The following SIK3 variants were observed in gnomAD, a reference collection of about 807,000 sequenced individuals.
The protein encoded by SIK3 is serine/threonine-protein kinase SIK3.
Under a neutral mutation model 144.2 loss-of-function variants are expected in SIK3, and 28 were observed. The ratio of observed to expected loss-of-function variants is 0.19; its 90% CI spans 0.14 to 0.27. The LOEUF (loss-of-function observed/expected upper bound fraction) is 0.27, where lower values mean the gene tolerates loss of function less well. Ranked by LOEUF, SIK3 falls within the 10% of genes least tolerant of loss-of-function variation. SIK3 has a pLI of 1.00. For synonymous variants in SIK3, 686 were observed against 676.3 expected, an observed-to-expected ratio of 1.01 and a Z score of -0.22; for missense variants, 1,319 against 1,776.0, an observed-to-expected ratio of 0.74 and a Z score of 4.62.
chr11:116,880,462 G>A lies in SIK3; in HGVS notation c.866-3420C>T, dbSNP rs1944487806. ...AAACAATTCTTGGTTACAGTGTCAA[G>A]GGCAAGAGCTTTTTAATCTTGACTA... On this transcript the variant is annotated intron_variant, in intron 6 of 24. Coordinates refer to ENST00000445177, the MANE Select transcript of SIK3 (RefSeq NM_001366686.3). Among the ~76,000 whole-genome samples the A allele has an allele frequency of 2.0e-5, 3 of 152,144 alleles. No individual in the cohort carries two copies. The South Asian group carries it at 6.2e-4, about 31-fold the overall frequency.
intron 1 of SIK3, among the ~76,000 whole-genome samples, chr11:116,959,245 G>C (rs988280973): frequency 6.6e-6 from 1 of 152,056 alleles, no homozygotes; most frequent in African/African-American, 2.4e-5. Context: ...GAGGTGGAAG[G>C]ACAGTTTGAT....
chr11:117,071,504 T>C (rs1954279857), intron 1 of SIK3, among the ~76,000 whole-genome samples: 1 of 151,902 alleles, frequency 6.6e-6, no homozygotes, highest in Non-Finnish European at 1.5e-5. Context: ...CGAATCCCAA[T>C]GTCTGGCACA....
chr11:117,043,141 G>A (rs1591597747), intron 1 of SIK3, among the ~76,000 whole-genome samples: 4 of 152,200 alleles, frequency 2.6e-5, no homozygotes, highest in Admixed American at 1.3e-4. Flanking sequence ...TGTGAAGTTG[G>A]AGAAACAGTA....
At chr11:116,994,609 C>G (rs766785636) in intron 1 of SIK3, among the ~76,000 whole-genome samples, 12 of 152,114 alleles carry the variant, frequency 7.9e-5, no homozygotes, top group Non-Finnish European at 1.8e-4. Flanking sequence ...CACGAAATCC[C>G]TTTGGGATTA....
At chr11:116,948,221 A>G (rs1220401771) in intron 3 of SIK3, among the ~76,000 whole-genome samples, 1 of 152,084 alleles carries the variant, frequency 6.6e-6, no homozygotes, top group Non-Finnish European at 1.5e-5. Context: ...TATAGGCATG[A>G]GCCACCAAGC....
intron 1 of SIK3, among the ~76,000 whole-genome samples, chr11:117,086,596 CAGG>C (rs1328360426): frequency 6.6e-6 from 1 of 151,734 alleles, no homozygotes; most frequent in East Asian, 1.9e-4. Flanking sequence ...GAGGCTGAGG[CAGG>C]AGAATCTCTT....
rs12280057 is a variant in SIK3 at position 116,960,712 on chromosome 11, A to C, written c.274-3648T>G. On this transcript the variant is annotated intron_variant, in intron 1 of 24. Transcript: ENST00000445177. ...TCCCTATCTGTAAAATGTGGGCAAC[A>C]ATGGAACCTACTTTAAAGTGATTTT... is the stretch of plus-strand genomic sequence containing the variant. Among the ~76,000 whole-genome samples the C allele has an allele frequency of 6.1e-3, 933 of 152,330 alleles. 11 individuals are homozygous for C. Among genetic ancestry groups the C allele is most frequent in the African/African-American group, 0.021 (892 of 41,576 alleles).
chr11:117,004,942 T>C (rs1053008477), intron 1 of SIK3, among the ~76,000 whole-genome samples: 10 of 152,174 alleles, frequency 6.6e-5, no homozygotes, highest in Non-Finnish European at 1.3e-4. Flanking sequence ...ATAAATCTAG[T>C]ACGGCTACCT....
intron 1 of SIK3, among the ~76,000 whole-genome samples, chr11:117,061,454 T>C (rs947015161): frequency 2.0e-5 from 3 of 152,164 alleles, no homozygotes; most frequent in Non-Finnish European, 4.4e-5. Flanking sequence ...GGGTAAGTTA[T>C]AAACTTCTCT....
At chr11:116,953,938 C>A in intron 3 of SIK3, 106 bp downstream of exon 3, 1 of 755,962 alleles carries the variant, frequency 1.3e-6, no homozygotes, top group Non-Finnish European at 2.2e-6. Flanking sequence ...GATTGAAGAA[C>A]AGCATCAAGT....
intron 1 of SIK3, among the ~76,000 whole-genome samples, chr11:117,013,950 G>GTTTTTTTTTTTTT (rs1591536602): frequency 2.4e-5 from 1 of 40,918 alleles, no homozygotes; most frequent in Non-Finnish European, 6.7e-5. Context: ...GTGTGTGTGT[G>GTTTTTTTTTTTTT]TTTTATTTCT....
At chr11:116,866,104 G>A (rs1385267834) in intron 15 of SIK3, among the ~76,000 whole-genome samples, 1 of 152,160 alleles carries the variant, frequency 6.6e-6, no homozygotes, top group South Asian at 2.1e-4. Flanking sequence ...GTGGTCCAGT[G>A]TGGACCTCCT....
chr11:117,058,714 A>AGAAATGAAATCAGGG (rs1164820555), intron 1 of SIK3, among the ~76,000 whole-genome samples: 3 of 152,212 alleles, frequency 2.0e-5, no homozygotes, highest in Admixed American at 6.5e-5. Context: ...CTGGTGAAGG[A>AGAAATGAAATCAGGG]GAAATGAAAT....
intron 2 of SIK3, 21 bp from the exon 3 acceptor site, chr11:116,954,128 T>C (rs1222369588): frequency 1.2e-6 from 2 of 1,601,564 alleles, no homozygotes; most frequent in Non-Finnish European, 1.7e-6. Flanking sequence ...GGCAGGAAAG[T>C]GACAGACAGT....
chr11:117,098,029 C>T, intron 1 of SIK3, 114 bp downstream of exon 1: 6 of 1,152,306 alleles, frequency 5.2e-6, no homozygotes, highest in Non-Finnish European at 6.4e-6. Flanking sequence ...CGCCTCCCGG[C>T]CCCCAACGCT....
At chr11:117,054,141 G>A (rs887751298) in intron 1 of SIK3, among the ~76,000 whole-genome samples, 5 of 152,196 alleles carry the variant, frequency 3.3e-5, no homozygotes, top group South Asian at 2.1e-4. Flanking sequence ...AGAAAAGAGC[G>A]TAGAAGATAT....
At chr11:116,861,088 C>T (rs765992964) in intron 19 of SIK3, among the ~76,000 whole-genome samples, 186 bp downstream of exon 19, 1 of 152,180 alleles carries the variant, frequency 6.6e-6, no homozygotes, top group Non-Finnish European at 1.5e-5. Context: ...TTAACTTACC[C>T]AAGGGTTTAC....
In SIK3 at chr11:117,029,912, C is replaced by T. The variant is rs139462136; in HGVS notation, c.273+68231G>A. On this transcript the variant is annotated intron_variant, in intron 1 of 24. Coordinates refer to ENST00000445177, the MANE Select transcript of SIK3 (RefSeq NM_001366686.3). Reference sequence around the variant, plus strand: ...GATTTAGGAGTCATTATGATGTAAACTGTAGTTGAAGGCAAGGGGCTGGTT... The same window carrying T: ...GATTTAGGAGTCATTATGATGTAAATTGTAGTTGAAGGCAAGGGGCTGGTT... Among the ~76,000 whole-genome samples, 1,440 of 151,580 alleles carry T rather than the reference C, an allele frequency of 9.5e-3. 14 individuals are homozygous for T. The highest frequency in any genetic ancestry group is 0.016 in the Non-Finnish European group (1,072 of 67,942).
rs141671439 is a variant in SIK3, at chr11:116,858,593, T to A, written c.2872A>T (p.Thr958Ser). The A allele has an allele frequency of 6.2e-7, 1 of 1,613,392 alleles. No homozygotes were observed. Among genetic ancestry groups the A allele is most frequent in the Non-Finnish European group, 8.5e-7 (1 of 1,179,780 alleles). The part of the protein sequence containing the change: ...RGSPSSYSPS[T>S]GVGFSPTQAL... ...TGGGTTGGAGAGAACCCCACTCCTG[T>A]TGAAGGGCTGTAGCTGCTGGGGGAA... Residue 958 changes from threonine to serine, a missense_variant, in exon 21 of 25, where the codon ACA becomes TCA. Thr to Ser is a moderately conservative substitution (Grantham distance 58). Coordinates refer to ENST00000445177, the MANE Select transcript of SIK3 (RefSeq NM_001366686.3). The surrounding 1 kb of genome is among the most constrained non-coding windows in gnomAD (Gnocchi z 5.4).
Sources: gnomAD v4.1 joint callset for allele counts (sites outside exome capture counted in the v4.1 genomes callset) on GRCh38, gnomAD v4.1.1 for gene constraint, Gnocchi (gnomAD v3.1) non-coding constraint, MANE v1.5 for transcripts, NCBI Gene and HGNC (gene_info 2026-07-23, HGNC 2026-07-21) for gene names.